The following C3 variants were observed in gnomAD, a reference collection of about 807,000 sequenced individuals.
C3 encodes the protein C3 and PZP-like alpha-2-macroglobulin domain-containing protein 1.
Under a neutral mutation model 207.9 loss-of-function variants are expected in C3, and 97 were observed. The ratio of observed to expected loss-of-function variants is 0.47; its 90% CI spans 0.40 to 0.55. The LOEUF is 0.55. Among genes scored for constraint, C3 ranks in the 20% least tolerant of loss-of-function variants. The probability of loss-of-function intolerance (pLI) is 0.00; values close to 1 mark genes in which losing one functional copy is unlikely to be tolerated. For synonymous variants in C3, 848 were observed against 857.6 expected (o/e 0.99, Z 0.20); for missense variants, 1,684 against 2,171.7 (o/e 0.78, Z 4.46).
intron 27 of C3, among the ~76,000 whole-genome samples, chr19:6,689,327 A>ATCTCTCTCTCTCTCTCTCTCTCTC (rs1918097354): frequency 2.0e-5 from 1 of 49,690 alleles, no homozygotes; most frequent in African/African-American, 1.1e-4. Flanking sequence ...CTCTCTACCT[A>ATCTCTCTCTCTCTCTCTCTCTCTC]CCTCCCTCCC....
intron 19 of C3, among the ~76,000 whole-genome samples, chr19:6,698,971 T>C (rs367591183): frequency 2.0e-5 from 3 of 151,848 alleles, no homozygotes; most frequent in South Asian, 4.2e-4. Context: ...ATTTTTTGTA[T>C]TTTTAGTAGA....
chr19:6,694,874 C>T (rs1362315724), intron 23 of C3, among the ~76,000 whole-genome samples: 1 of 152,174 alleles, frequency 6.6e-6, no homozygotes, highest in Non-Finnish European at 1.5e-5. Context: ...TCTCATTTCA[C>T]CAGCAGTAAA....
At chr19:6,714,995 A>T (rs1968002727) in intron 4 of C3, among the ~76,000 whole-genome samples, 1 of 152,240 alleles carries the variant, frequency 6.6e-6, no homozygotes, top group African/African-American at 2.4e-5. Context: ...ACAGGAGATT[A>T]TAATGGCACC....
rs184985196 is a variant in C3, at chr19:6,712,894, A to G, written c.1004-271T>C. ...GGCCCTGCCTCCCCCATCAGACTGG[A>G]CCCATCTTTATACTGGCCCTGCCTC... is the stretch of plus-strand genomic sequence containing the variant. On this transcript the variant is annotated intron_variant, in intron 9 of 40. Transcript: ENST00000245907. Among the ~76,000 whole-genome samples the G allele has an allele frequency of 1.9e-4, 27 of 142,846 alleles. No individual in the cohort carries two copies. The East Asian group carries it at 5.0e-3, about 26-fold the overall frequency. 93.7% of individuals were successfully genotyped at this position (142,846 alleles called of 152,430 possible).
At chr19:6,681,016 T>G (rs1035742337) in intron 35 of C3, among the ~76,000 whole-genome samples, 3 of 151,840 alleles carry the variant, frequency 2.0e-5, no homozygotes, top group Admixed American at 2.0e-4. Context: ...TTGAGCAACA[T>G]ATCAAGACCC....
rs1968110918 is a variant in C3, at chr19:6,719,085, G to C, written c.267+126C>G. On this transcript the variant is annotated intron_variant, in intron 2 of 40. Coordinates refer to ENST00000245907, the MANE Select transcript of C3 (RefSeq NM_000064.4). The surrounding 1 kb of genome is among the most constrained non-coding windows in gnomAD (Gnocchi z 5.4). Reference sequence around the variant, plus strand: ...GCTTAGAAGGAGAGGCGACTCCGAAGGGGTGGAGTCTCAGGGAAGGGCAGG... The same window carrying C: ...GCTTAGAAGGAGAGGCGACTCCGAACGGGTGGAGTCTCAGGGAAGGGCAGG... The C allele has an allele frequency of 1.2e-6, 1 of 849,932 alleles. No individual in the cohort carries two copies. The highest frequency in any genetic ancestry group is 2.0e-6 in the Non-Finnish European group (1 of 500,894). 52.6% of individuals were successfully genotyped at this position (849,932 alleles called of 1,614,324 possible).
At position 6,713,235 on chromosome 19, in the gene C3, C is replaced by T; in HGVS notation, c.957G>A (p.Leu319=). 6.2e-7 allele frequency: 1 copy of T among 1,613,754 alleles called. No homozygotes were observed. Among genetic ancestry groups the T allele is most frequent in the African/African-American group, 1.3e-5 (1 of 75,050 alleles). Residue 319 remains leucine (L), a synonymous_variant, in exon 9 of 41, where the codon CTG becomes CTA. Transcript: ENST00000245907. ...CAGACACGTACAAAGACTTCCCCAC[C>T]AGGTCTTCTGCTCGGGGGTTCTGCA... The part of the protein sequence containing the change: ...DGVQNPRAED[L]VGKSLYVSAT...
At chr19:6,684,934 G>A (rs1019655339) in intron 30 of C3, 54 bp downstream of exon 30, 6 of 1,611,362 alleles carry the variant, frequency 3.7e-6, no homozygotes, top group South Asian at 1.1e-5. Context: ...GTAAACCCTG[G>A]CTAGTGTAGG....
chr19:6,684,243 T>C, intron 33 of C3, 145 bp downstream of exon 33: 1 of 784,194 alleles, frequency 1.3e-6, no homozygotes, highest in Non-Finnish European at 2.3e-6. Context: ...ACTGTCTGTG[T>C]TGTCTACCTC....
intron 27 of C3, among the ~76,000 whole-genome samples, chr19:6,689,821 A>ATTAGT (rs996125253): frequency 6.6e-6 from 1 of 152,174 alleles, no homozygotes; most frequent in African/African-American, 2.4e-5. Flanking sequence ...ATGTCTACTA[A>ATTAGT]AAAGACAAAA....
At chr19:6,708,029 C>G in intron 14 of C3, 100 bp from the exon 15 acceptor site, 1 of 1,383,984 alleles carries the variant, frequency 7.2e-7, no homozygotes, top group East Asian at 2.3e-5. Flanking sequence ...TGACCCCACC[C>G]TGTCCCACTC....
intron 19 of C3, among the ~76,000 whole-genome samples, chr19:6,700,553 A>AATATATGTAATATATGATATATT: frequency 5.2e-5 from 1 of 19,318 alleles, no homozygotes; most frequent in South Asian, 1.9e-3. Flanking sequence ...TGTAATATAT[A>AATATATGTAATATATGATATATT]ATATATGTAA....
chr19:6,694,954 G>T (rs996451033), intron 23 of C3, among the ~76,000 whole-genome samples: 2 of 152,120 alleles, frequency 1.3e-5, no homozygotes, highest in African/African-American at 2.4e-5. Flanking sequence ...TGTTCTAAGA[G>T]AATACCATAG....
rs932174837 is a variant in C3, at chr19:6,714,087, G to A, written c.683-5C>T. ...TGACCTCGAAACTGGGCAGCACTGGGGGAGAGATGGCGTTGGTGGGGCCGG... is the reference window on the plus strand; with the variant it reads ...TGACCTCGAAACTGGGCAGCACTGGAGGAGAGATGGCGTTGGTGGGGCCGG... On this transcript the variant is annotated splice_polypyrimidine_tract_variant and splice_region_variant and intron_variant, in intron 6 of 40. Transcript: ENST00000245907. The A allele has an allele frequency of 2.5e-6, 4 of 1,612,184 alleles. No homozygotes were observed. The highest frequency in any genetic ancestry group is 3.4e-6 in the Non-Finnish European group (4 of 1,179,272).
intron 24 of C3, among the ~76,000 whole-genome samples, chr19:6,694,183 G>T (rs927235019): frequency 9.3e-6 from 1 of 107,522 alleles, no homozygotes; most frequent in Non-Finnish European, 2.0e-5. Flanking sequence ...GAGAAGAGGT[G>T]GGGGGCCCTC....
rs1221071687 is a variant in C3 at position 6,682,477 on chromosome 19, A to C, written c.4173-248T>G. On this transcript the variant is annotated intron_variant, in intron 33 of 40. Coordinates refer to ENST00000245907, the MANE Select transcript of C3 (RefSeq NM_000064.4). ...TGGATTCAAATTCCAGCTCTAAATAACATTGGATGCATTATTTGACCCTCC... is the reference window on the plus strand; with the variant it reads ...TGGATTCAAATTCCAGCTCTAAATACCATTGGATGCATTATTTGACCCTCC... 27 of 487,778 alleles carry C rather than the reference A, an allele frequency of 5.5e-5. No individual in the cohort carries two copies. In the East Asian group the frequency reaches 9.9e-4, roughly 18 times the overall value. 30.2% of individuals were successfully genotyped at this position (487,778 alleles called of 1,614,324 possible).
At chr19:6,703,401 A>T (rs935543911) in intron 17 of C3, among the ~76,000 whole-genome samples, 4 of 152,130 alleles carry the variant, frequency 2.6e-5, no homozygotes, top group Non-Finnish European at 5.9e-5. Flanking sequence ...TGAGGTCAGG[A>T]GTTCGAGACA....
At chr19:6,718,837 G>T (rs191927484) in intron 2 of C3, among the ~76,000 whole-genome samples, 4 of 145,048 alleles carry the variant, frequency 2.8e-5, no homozygotes, top group East Asian at 4.2e-4. Flanking sequence ...AGGAGACTCA[G>T]AAGGGGTGGA....
At chr19:6,685,259 A>C in intron 29 of C3, 113 bp from the exon 30 acceptor site, 1 of 966,534 alleles carries the variant, frequency 1.0e-6, no homozygotes, top group Non-Finnish European at 1.6e-6. Context: ...TGTGGCCTAG[A>C]ACCTACTAGA....
Sources: gnomAD v4.1 joint callset for allele counts (sites outside exome capture counted in the v4.1 genomes callset) on GRCh38, gnomAD v4.1.1 for gene constraint, Gnocchi (gnomAD v3.1) non-coding constraint, MANE v1.5 for transcripts, NCBI Gene and HGNC (gene_info 2026-07-23, HGNC 2026-07-21) for gene names.